Variants in STARD9 observed in about 807,000 individuals in gnomAD.
STARD9 encodes StAR related lipid transfer domain containing 9, also known as stAR-related lipid transfer protein 9.
In STARD9, 346 loss-of-function variants were observed where a neutral mutation model predicts 399.8. The ratio of observed to expected loss-of-function variants is 0.87; its 90% CI spans 0.79 to 0.95. The LOEUF (loss-of-function observed/expected upper bound fraction) is 0.95, where lower values mean the gene tolerates loss of function less well. Among genes scored for constraint, STARD9 ranks in the 40% least tolerant of loss-of-function variants. The probability of loss-of-function intolerance (pLI) is 0.00; values close to 1 mark genes in which losing one functional copy is unlikely to be tolerated. For missense variants in STARD9, 5,832 were observed against 5,667.5 expected, an observed-to-expected ratio of 1.03 and a Z score of -0.93; for synonymous variants, 2,203 against 2,143.5, an observed-to-expected ratio of 1.03 and a Z score of -0.77.
chr15:42,612,739 A>G (rs1050037017), intron 3 of STARD9, among the ~76,000 whole-genome samples: 3 of 152,144 alleles, frequency 2.0e-5, no homozygotes, highest in Admixed American at 6.6e-5. Flanking sequence ...AATCCTATCA[A>G]TTGGGAGGCC....
At chr15:42,699,784 G>A (rs552794984) in intron 26 of STARD9, among the ~76,000 whole-genome samples, 1 of 152,124 alleles carries the variant, frequency 6.6e-6, no homozygotes, top group Admixed American at 6.5e-5. Flanking sequence ...TTGGCTCACT[G>A]CAACCTCCGT....
In STARD9 at chr15:42,690,486, C is replaced by T. The variant is rs1168278324; in HGVS notation, c.8908C>T (p.His2970Tyr). The T allele has an allele frequency of 2.0e-6, 3 of 1,537,120 alleles. No homozygotes were observed. In the African/African-American group the frequency reaches 4.1e-5, roughly 21 times the overall value. The change falls in exon 23 of 33, where the codon CAT becomes TAT. Residue 2970 changes from histidine to tyrosine, a missense_variant. His to Tyr is a moderately conservative substitution (Grantham distance 83, BLOSUM62 2). Transcript: ENST00000290607. Reference sequence around the variant, plus strand: ...TGTTGCTACTCATGCTTATTCCTCCCATTCCTCTACTTTACTGTGTTTTAG... The same window carrying T: ...TGTTGCTACTCATGCTTATTCCTCCTATTCCTCTACTTTACTGTGTTTTAG... ...QPVATHAYSS[H>Y]SSTLLCFRDG...
intron 7 of STARD9, among the ~76,000 whole-genome samples, chr15:42,646,652 T>C (rs1437559715): frequency 1.3e-5 from 2 of 152,246 alleles, no homozygotes; most frequent in Non-Finnish European, 2.9e-5. Flanking sequence ...GTAAAAACTT[T>C]CTTCATATCA....
intron 3 of STARD9, among the ~76,000 whole-genome samples, chr15:42,608,733 A>G (rs576898675): frequency 3.9e-4 from 60 of 152,354 alleles, no homozygotes; most frequent in African/African-American, 1.3e-3. Context: ...TGTGAACACA[A>G]TCAAAAATAT....
intron 9 of STARD9, among the ~76,000 whole-genome samples, chr15:42,655,659 T>C (rs1174373024): frequency 6.6e-6 from 1 of 152,214 alleles, no homozygotes; most frequent in Non-Finnish European, 1.5e-5. Context: ...GGAAAAATCC[T>C]TCTAGACATT....
rs2060682581 is a variant in STARD9, at chr15:42,691,050, G to C, written c.9472G>C (p.Glu3158Gln). 3.9e-6 allele frequency: 6 copies of C among 1,537,080 alleles called. No individual in the cohort carries two copies. The highest frequency in any genetic ancestry group is 5.2e-6 in the Non-Finnish European group (6 of 1,146,898). Residue 3158 changes from glutamate to glutamine, a missense_variant, in exon 23 of 33, where the codon GAG (glutamate) becomes CAG (glutamine). Transcript: ENST00000290607. The stretch of plus-strand genomic sequence containing the variant: ...GTCTGCTGAGAGCAAGTTGGTGGTA[G>C]AGCCACAGCATGAATGTTTAGAAAA... ...EGSAESKLVV[E>Q]PQHECLENTT... is the part of the protein sequence containing the mutation.
rs893853294 is a variant in STARD9, at chr15:42,718,487, C to T, written c.13815C>T (p.Phe4605=). 1 of 1,537,106 alleles carries T rather than the reference C, an allele frequency of 6.5e-7. No individual in the cohort carries two copies. Among genetic ancestry groups the T allele is most frequent in the African/African-American group, 1.4e-5 (1 of 73,030 alleles). ...GCGCACTGAAGCAGCCACGGGATTT[C>T]TGTTGTGTCTGCGTGGAAGCCAAAG... ...TLCALKQPRD[F]CCVCVEAKEG... is the part of the protein sequence containing the mutation. Residue 4605 remains phenylalanine (F), a synonymous_variant, in exon 31 of 33, where the codon TTC becomes TTT. Coordinates refer to ENST00000290607, the MANE Select transcript of STARD9 (RefSeq NM_020759.3).
chr15:42,596,621 C>G (rs376008217), intron 3 of STARD9, among the ~76,000 whole-genome samples: 18 of 152,130 alleles, frequency 1.2e-4, no homozygotes, highest in East Asian at 7.7e-4. Context: ...CCCTCTTAAC[C>G]CCATTTCTGT....
intron 28 of STARD9, 142 bp from the exon 29 acceptor site, chr15:42,717,589 C>A (rs1475395329): frequency 1.1e-5 from 8 of 747,006 alleles, no homozygotes; most frequent in Middle Eastern, 2.9e-4. Context: ...TACGCCACTC[C>A]ACTCCAGCCT....
intron 26 of STARD9, among the ~76,000 whole-genome samples, chr15:42,714,412 T>C (rs535779813): frequency 2.6e-5 from 4 of 152,272 alleles, no homozygotes; most frequent in Admixed American, 2.6e-4. Context: ...AACTTTTGAG[T>C]CAGTAATTTA....
At chr15:42,705,053 T>C (rs1463022266) in intron 26 of STARD9, among the ~76,000 whole-genome samples, 1 of 152,208 alleles carries the variant, frequency 6.6e-6, no homozygotes, top group African/African-American at 2.4e-5. Flanking sequence ...GTCCACAATC[T>C]TTGTCCGTGG....
chr15:42,691,451 C>G lies in STARD9; in HGVS notation c.9873C>G (p.Leu3291=). The G allele has an allele frequency of 6.5e-7, 1 of 1,537,256 alleles. No individual in the cohort carries two copies. Among genetic ancestry groups the G allele is most frequent in the African/African-American group, 1.4e-5 (1 of 73,174 alleles). The change falls in exon 23 of 33, where the codon CTC becomes CTG. Residue 3291 remains leucine, a synonymous_variant. Coordinates refer to ENST00000290607, the MANE Select transcript of STARD9 (RefSeq NM_020759.3). The part of the protein sequence containing the change: ...PQPAAQRSGH[L]YTGREQPAPN... ...CTGCTGCTCAGAGGAGTGGCCACCT[C>G]TACACTGGCAGAGAGCAGCCAGCAC...
chr15:42,686,392 C>G lies in STARD9; in HGVS notation c.4814C>G (p.Ala1605Gly). Reference sequence around the variant, plus strand: ...TTGTCTGCTTCTCGATCTACAAATGCACAGGTCTTTGCAACAGAGAACGCG... The same window carrying G: ...TTGTCTGCTTCTCGATCTACAAATGGACAGGTCTTTGCAACAGAGAACGCG... ...ESLSASRSTNAQVFATENAIP... is the reference protein window; with the variant it reads ...ESLSASRSTNGQVFATENAIP... The change falls in exon 23 of 33, where the codon GCA becomes GGA. Residue 1605 changes from alanine (A) to glycine (G), a missense_variant. Ala to Gly is a moderately conservative substitution (Grantham distance 60). Around this residue, in one of 2 missense-constraint regions of STARD9, gnomAD observed 5,828 missense variants for 5,651.1 expected, o/e 1.03. Coordinates refer to ENST00000290607, the MANE Select transcript of STARD9 (RefSeq NM_020759.3). 1.3e-6 allele frequency: 2 copies of G among 1,537,672 alleles called. No homozygotes were observed. Among genetic ancestry groups the G allele is most frequent in the African/African-American group, 1.4e-5 (1 of 73,180 alleles).
In STARD9 at chr15:42,675,655, G is replaced by A. The variant is rs749440878; in HGVS notation, c.1688-9G>A. 52 of 1,534,914 alleles carry A rather than the reference G, an allele frequency of 3.4e-5. 1 individual carries two copies. Among genetic ancestry groups the A allele is most frequent in the Non-Finnish European group, 3.8e-5 (44 of 1,145,066 alleles). On this transcript the variant is annotated splice_polypyrimidine_tract_variant and intron_variant, in intron 18 of 32. Coordinates refer to ENST00000290607, the MANE Select transcript of STARD9 (RefSeq NM_020759.3). ...GTTGATTGAATTCTCATTTGTCTCT[G>A]TGCTGCAGGAGCTGTCATAACCCTG...
At chr15:42,625,752 T>C (rs1017833599) in intron 3 of STARD9, among the ~76,000 whole-genome samples, 3 of 151,502 alleles carry the variant, frequency 2.0e-5, no homozygotes, top group African/African-American at 7.3e-5. Flanking sequence ...TAGACATGCA[T>C]GAAACTTTTC....
chr15:42,718,175 C>T lies in STARD9; in HGVS notation c.13758C>T (p.Ser4586=). The change falls in exon 30 of 33, where the codon AGC becomes AGT. Residue 4586 remains serine, a synonymous_variant. Transcript: ENST00000290607. ...RLHQRVTNSI[S]LVYLVCNTTL... ...ATCAGCGAGTGACCAACAGCATCAG[C>T]CTGGGTGAGCCCAGGGAAGGAAGGC... 6.5e-7 allele frequency: 1 copy of T among 1,536,518 alleles called. No homozygotes were observed. The highest frequency in any genetic ancestry group is 8.7e-7 in the Non-Finnish European group (1 of 1,146,704).
chr15:42,588,458 G>GTTTATCTGGCTT (rs2058324559), intron 3 of STARD9, among the ~76,000 whole-genome samples: 1 of 152,180 alleles, frequency 6.6e-6, no homozygotes, highest in Non-Finnish European at 1.5e-5. Context: ...TGTCTCCTGA[G>GTTTATCTGGCTT]GTTTCTTCTG....
intron 26 of STARD9, among the ~76,000 whole-genome samples, chr15:42,696,688 A>G (rs1486737466): frequency 6.6e-6 from 1 of 152,222 alleles, no homozygotes; most frequent in Non-Finnish European, 1.5e-5. Context: ...GCTTCAGGGC[A>G]CTGCTAGTGA....
intron 26 of STARD9, among the ~76,000 whole-genome samples, chr15:42,712,488 T>G (rs2061262280): frequency 6.6e-6 from 1 of 152,134 alleles, no homozygotes; most frequent in Non-Finnish European, 1.5e-5. Flanking sequence ...GAGTTAATTC[T>G]TACATATGGT....
Sources: gnomAD v4.1 joint callset for allele counts (sites outside exome capture counted in the v4.1 genomes callset) on GRCh38, gnomAD v4.1.1 for gene constraint, gnomAD v4.1.1 regional missense constraint, MANE v1.5 for transcripts, NCBI Gene and HGNC (gene_info 2026-07-23, HGNC 2026-07-21) for gene names.